Variants in CASQ2 observed in about 807,000 individuals in gnomAD.
The protein encoded by CASQ2 is calsequestrin-2.
A neutral mutation model predicts 46.5 loss-of-function variants in CASQ2; 49 were observed. The ratio of observed to expected loss-of-function variants is 1.05; its 90% confidence interval spans 0.84 to 1.34. The LOEUF is 1.34. Ranked by LOEUF, CASQ2 falls within the 40% of genes most tolerant of loss-of-function variation. The probability of loss-of-function intolerance (pLI) is 0.00; values close to 1 mark genes in which losing one functional copy is unlikely to be tolerated. For missense variants in CASQ2, 486 were observed against 481.3 expected, an observed-to-expected ratio of 1.01 and a Z score of -0.09; for synonymous variants, 174 against 168.5, an observed-to-expected ratio of 1.03 and a Z score of -0.25.
intron 10 of CASQ2, among the ~76,000 whole-genome samples, chr1:115,701,976 G>A (rs1192762572): frequency 6.6e-6 from 1 of 151,228 alleles, no homozygotes; most frequent in African/African-American, 2.4e-5. Context: ...AGGCTGGAGT[G>A]CAATGGCATG....
At chr1:115,742,123 T>C (rs1216554706) in intron 2 of CASQ2, among the ~76,000 whole-genome samples, 1 of 152,214 alleles carries the variant, frequency 6.6e-6, no homozygotes, top group South Asian at 2.1e-4. Flanking sequence ...TCATGGCTCC[T>C]GCCTCAGCCT....
chr1:115,755,956 T>C (rs1011549944), intron 1 of CASQ2, among the ~76,000 whole-genome samples: 4 of 151,854 alleles, frequency 2.6e-5, no homozygotes, highest in African/African-American at 9.7e-5. Context: ...AATAGTCGTT[T>C]ATGTGTTGCA....
intron 1 of CASQ2, among the ~76,000 whole-genome samples, chr1:115,764,907 A>G (rs770967789): frequency 6.6e-6 from 1 of 152,174 alleles, no homozygotes; most frequent in Non-Finnish European, 1.5e-5. Context: ...CAACATCTCA[A>G]AGATCTACCT....
At chr1:115,750,247 G>A (rs1648530814) in intron 1 of CASQ2, among the ~76,000 whole-genome samples, 1 of 152,182 alleles carries the variant, frequency 6.6e-6, no homozygotes, top group Admixed American at 6.5e-5. Context: ...CAGAAAACTA[G>A]TACAGACTTT....
intron 7 of CASQ2, 39 bp downstream of exon 7, chr1:115,725,469 T>C: frequency 6.2e-7 from 1 of 1,602,138 alleles, no homozygotes; most frequent in Non-Finnish European, 8.5e-7. Context: ...GGGACTATAC[T>C]CATCTCTACA....
At chr1:115,705,936 A>T (rs1381324205) in intron 8 of CASQ2, among the ~76,000 whole-genome samples, 2 of 152,162 alleles carry the variant, frequency 1.3e-5, no homozygotes, top group African/African-American at 2.4e-5. Flanking sequence ...ATAAGCTTCA[A>T]GAACACAAAC....
intron 8 of CASQ2, among the ~76,000 whole-genome samples, chr1:115,712,310 C>A (rs1435369555): frequency 6.6e-6 from 1 of 152,148 alleles, no homozygotes; most frequent in Non-Finnish European, 1.5e-5. Context: ...CACTCCTTAC[C>A]ACACCCTCTT....
chr1:115,719,505 G>T (rs891777869), intron 7 of CASQ2, among the ~76,000 whole-genome samples: 8 of 152,208 alleles, frequency 5.3e-5, no homozygotes, highest in Admixed American at 4.6e-4. Context: ...TTTTCTAGAA[G>T]GCTGCTCATA....
chr1:115,733,701 G>T (rs1166676224), intron 4 of CASQ2, among the ~76,000 whole-genome samples: 1 of 152,078 alleles, frequency 6.6e-6, no homozygotes, highest in African/African-American at 2.4e-5. Context: ...TAGTTGTGAG[G>T]GTGATGGTAA....
At chr1:115,730,668 C>T (rs1647754237) in intron 5 of CASQ2, among the ~76,000 whole-genome samples, 1 of 152,184 alleles carries the variant, frequency 6.6e-6, no homozygotes, top group African/African-American at 2.4e-5. Context: ...TGTCTTAACG[C>T]CAAGACTTGC....
intron 3 of CASQ2, among the ~76,000 whole-genome samples, chr1:115,739,304 A>G (rs1462471152): frequency 6.7e-6 from 1 of 150,156 alleles, no homozygotes; most frequent in Non-Finnish European, 1.5e-5. Context: ...TTTAGTAGAG[A>G]TGGGGTTTCA....
chr1:115,755,100 T>A (rs1375687908), intron 1 of CASQ2, among the ~76,000 whole-genome samples: 2 of 152,196 alleles, frequency 1.3e-5, no homozygotes, highest in African/African-American at 4.8e-5. Context: ...AAAATCACAA[T>A]CTTTTATTGC....
chr1:115,717,850 C>T lies in CASQ2; in HGVS notation c.828G>A (p.Lys276=). ...NGIHIVAFAE[K]SDPDGYEFLE... The stretch of plus-strand genomic sequence containing the variant: ...TTGAAGGTTTCCTACCTGGATCACT[C>T]TTCTCTGCAAAGGCCACAATGTGGA... The change falls in exon 8 of 11, where the codon AAG becomes AAA. Residue 276 remains lysine (K), a synonymous_variant. Transcript: ENST00000261448. 6.2e-7 allele frequency: 1 copy of T among 1,611,146 alleles called. No homozygotes were observed. The highest frequency in any genetic ancestry group is 8.5e-7 in the Non-Finnish European group (1 of 1,177,306).
intron 8 of CASQ2, among the ~76,000 whole-genome samples, chr1:115,713,858 A>G (rs976940541): frequency 1.3e-5 from 2 of 152,112 alleles, no homozygotes; most frequent in African/African-American, 2.4e-5. Context: ...TGGGAAATCT[A>G]AGCTCGATTT....
chr1:115,716,750 T>G (rs963559849), intron 8 of CASQ2, among the ~76,000 whole-genome samples: 1 of 152,234 alleles, frequency 6.6e-6, no homozygotes, highest in Non-Finnish European at 1.5e-5. Flanking sequence ...ATCGTGAAGC[T>G]GGCTTGCCCT....
In CASQ2 at chr1:115,702,946, T is replaced by C. The variant is rs1300501437; in HGVS notation, c.989A>G (p.Gln330Arg). ...KTFKIDLFRP[Q>R]IGVVNVTDAD... ...ATCTGTGACATTCACCACCCCAATC[T>C]GTGGCCTGAATAGGTCAATCTTGAA... is the stretch of plus-strand genomic sequence containing the variant. Residue 330 changes from glutamine (Q) to arginine (R), a missense_variant, in exon 10 of 11, where the codon CAG (glutamine) becomes CGG (arginine). Physicochemically the swap from Gln to Arg is conservative, Grantham distance 43 (BLOSUM62 1). Transcript: ENST00000261448. 1 of 1,613,678 alleles carries C rather than the reference T, an allele frequency of 6.2e-7. No individual in the cohort carries two copies. The highest frequency in any genetic ancestry group is 8.5e-7 in the Non-Finnish European group (1 of 1,179,826).
chr1:115,717,393 A>G (rs1654737680), intron 8 of CASQ2, among the ~76,000 whole-genome samples: 1 of 152,108 alleles, frequency 6.6e-6, no homozygotes, highest in African/African-American at 2.4e-5. Context: ...CATCCTCACG[A>G]TTTCATCCCC....
chr1:115,718,699 G>A (rs1242116530), intron 7 of CASQ2, among the ~76,000 whole-genome samples: 1 of 152,180 alleles, frequency 6.6e-6, no homozygotes, highest in African/African-American at 2.4e-5. Context: ...GGCTGTGGGG[G>A]CAGGGGCAGG....
chr1:115,754,179 G>A (rs1036515548), intron 1 of CASQ2, among the ~76,000 whole-genome samples: 1 of 152,184 alleles, frequency 6.6e-6, no homozygotes, highest in Non-Finnish European at 1.5e-5. Context: ...GTATAGCTGG[G>A]CAGTTGGCAT....
Sources: allele counts gnomAD v4.1 joint callset (sites outside exome capture counted in the v4.1 genomes callset), GRCh38; gene constraint gnomAD v4.1.1; transcripts MANE v1.5; gene names NCBI Gene and HGNC (gene_info 2026-07-23, HGNC 2026-07-21).